TAFA2: variants seen among roughly 807,000 people sequenced by gnomAD.
TAFA2 encodes the protein TAFA chemokine like family member 2.
TAFA2 carries 7 observed loss-of-function variants against 18.8 expected under a neutral mutation model. That is an observed-to-expected ratio of 0.37 (90% CI 0.21 to 0.70). The LOEUF (loss-of-function observed/expected upper bound fraction) is 0.70, where lower values mean the gene tolerates loss of function less well. Among genes scored for constraint, TAFA2 ranks in the 30% least tolerant of loss-of-function variants. TAFA2 has a pLI of 0.53. For synonymous variants in TAFA2, 60 were observed against 54.2 expected (o/e 1.11, Z -0.47); for missense variants, 122 against 158.1 (o/e 0.77, Z 1.23).
At chr12:61,726,020 CT>C (rs56346396) in intron 4 of TAFA2, among the ~76,000 whole-genome samples, 63,318 of 143,640 alleles carry the variant, frequency 0.44, 14,228 homozygotes, top group Admixed American at 0.56. Context: ...TTTCTTTTTT[CT>C]TTTTTTTTTT....
chr12:61,723,329 G>A (rs1869992109), intron 4 of TAFA2, among the ~76,000 whole-genome samples: 1 of 152,120 alleles, frequency 6.6e-6, no homozygotes, highest in Non-Finnish European at 1.5e-5. Context: ...CATAAATGAT[G>A]CCTAATATTT....
intron 4 of TAFA2, among the ~76,000 whole-genome samples, chr12:61,752,488 A>G (rs1316521415): frequency 2.0e-5 from 3 of 152,018 alleles, no homozygotes; most frequent in African/African-American, 7.2e-5. Context: ...TACGGATTAT[A>G]TCATGTGCTA....
chr12:61,832,917 T>C (rs183468429), intron 2 of TAFA2, among the ~76,000 whole-genome samples: 1 of 151,602 alleles, frequency 6.6e-6, no homozygotes, highest in Admixed American at 6.6e-5. Context: ...ATTTAAATTA[T>C]CACTTGATTT....
intron 1 of TAFA2, among the ~76,000 whole-genome samples, chr12:62,189,341 A>G (rs528540120): frequency 6.6e-6 from 1 of 152,320 alleles, no homozygotes; most frequent in South Asian, 2.1e-4. Context: ...TTTTTTATTG[A>G]AAATTAGGAA....
At chr12:62,244,237 CTTTTT>C (rs35569192) in intron 1 of TAFA2, among the ~76,000 whole-genome samples, 10 of 134,276 alleles carry the variant, frequency 7.4e-5, no homozygotes, top group Non-Finnish European at 1.6e-4. Flanking sequence ...TTTCTTTTGT[CTTTTT>C]TTTTTTTTTT....
At chr12:62,093,875 T>C (rs1868829897) in intron 1 of TAFA2, among the ~76,000 whole-genome samples, 1 of 151,972 alleles carries the variant, frequency 6.6e-6, no homozygotes, top group South Asian at 2.1e-4. Flanking sequence ...AAATGAGATT[T>C]AACTACAAAA....
chr12:61,887,156 C>T (rs11174215), intron 1 of TAFA2, among the ~76,000 whole-genome samples: 3,596 of 152,208 alleles, frequency 0.024, 149 homozygotes, highest in African/African-American at 0.08. Flanking sequence ...GGAAATCAGT[C>T]CCATATTGAA....
chr12:61,900,678 C>T (rs1194403769), intron 1 of TAFA2, among the ~76,000 whole-genome samples: 1 of 152,140 alleles, frequency 6.6e-6, no homozygotes, highest in African/African-American at 2.4e-5. Context: ...GATTCAATTA[C>T]CTTCCATCAG....
At chr12:62,212,314 C>A (rs2062717307) in intron 1 of TAFA2, among the ~76,000 whole-genome samples, 1 of 152,100 alleles carries the variant, frequency 6.6e-6, no homozygotes. Flanking sequence ...ATTCAACAAC[C>A]TCTCCAAGAA....
chr12:62,015,619 T>C (rs1162420813), intron 1 of TAFA2, among the ~76,000 whole-genome samples: 1 of 152,228 alleles, frequency 6.6e-6, no homozygotes, highest in African/African-American at 2.4e-5. Flanking sequence ...GATACAGTCT[T>C]GCCCTCATGA....
chr12:62,224,425 T>G (rs910079954), intron 1 of TAFA2, among the ~76,000 whole-genome samples: 1 of 152,102 alleles, frequency 6.6e-6, no homozygotes, highest in African/African-American at 2.4e-5. Flanking sequence ...TTCTGCTTCA[T>G]AGGTGGCTGT....
chr12:62,258,000 A>G (rs1276380065), intron 1 of TAFA2, among the ~76,000 whole-genome samples: 1 of 152,228 alleles, frequency 6.6e-6, no homozygotes, highest in Non-Finnish European at 1.5e-5. Context: ...ATAAAGGTCA[A>G]TAGAAAAATT....
chr12:62,066,559 ATGTT>A (rs1316477426), intron 1 of TAFA2, among the ~76,000 whole-genome samples: 4 of 151,856 alleles, frequency 2.6e-5, no homozygotes, highest in Non-Finnish European at 5.9e-5. Context: ...AGAACAAGCA[ATGTT>A]TGTTTGTTTG....
intron 2 of TAFA2, among the ~76,000 whole-genome samples, chr12:61,794,137 A>G (rs999283240): frequency 2.6e-5 from 4 of 151,982 alleles, no homozygotes; most frequent in African/African-American, 4.8e-5. Flanking sequence ...TAAAATCAGG[A>G]ACAAGACAAA....
chr12:61,896,421 G>A (rs531870135), intron 1 of TAFA2, among the ~76,000 whole-genome samples: 2 of 152,188 alleles, frequency 1.3e-5, no homozygotes, highest in South Asian at 2.1e-4. Context: ...ATCCACCCAG[G>A]GATTCCATAG....
chr12:62,211,740 C>A (rs1010744363), intron 1 of TAFA2, among the ~76,000 whole-genome samples: 2 of 152,018 alleles, frequency 1.3e-5, no homozygotes, highest in Admixed American at 1.3e-4. Context: ...AGGGTGTCTG[C>A]CCAAGCACAG....
intron 1 of TAFA2, among the ~76,000 whole-genome samples, chr12:62,046,340 G>T (rs1470890530): frequency 1.3e-5 from 2 of 151,720 alleles, no homozygotes; most frequent in Non-Finnish European, 2.9e-5. Flanking sequence ...AGGAAAAAAA[G>T]ATACCATAAA....
At chr12:62,064,824 T>G (rs1012788984) in intron 1 of TAFA2, among the ~76,000 whole-genome samples, 1 of 151,992 alleles carries the variant, frequency 6.6e-6, no homozygotes, top group East Asian at 1.9e-4. Flanking sequence ...TGAGCATGGT[T>G]TTCATATAAT....
At chr12:61,886,884 C>T (rs919735894) in intron 1 of TAFA2, among the ~76,000 whole-genome samples, 1 of 152,190 alleles carries the variant, frequency 6.6e-6, no homozygotes. Flanking sequence ...GGGAACCAGA[C>T]TTCCTGGACT....
Sources: allele counts gnomAD v4.1 joint callset (sites outside exome capture counted in the v4.1 genomes callset), GRCh38; gene constraint gnomAD v4.1.1; transcripts MANE v1.5; gene names NCBI Gene and HGNC (gene_info 2026-07-23, HGNC 2026-07-21).